The following SLC25A42 variants were observed in gnomAD, a reference collection of about 807,000 sequenced individuals.
SLC25A42 encodes solute carrier family 25 member 42, also known as mitochondrial coenzyme A transporter SLC25A42.
A neutral mutation model predicts 34.7 loss-of-function variants in SLC25A42; 19 were observed. That is an observed-to-expected ratio of 0.55 (90% CI 0.38 to 0.80). The LOEUF (loss-of-function observed/expected upper bound fraction) is 0.80, where lower values mean the gene tolerates loss of function less well. Among genes scored for constraint, SLC25A42 ranks in the 30% least tolerant of loss-of-function variants. The probability of loss-of-function intolerance (pLI) is 0.00; values close to 1 mark genes in which losing one functional copy is unlikely to be tolerated. For synonymous variants in SLC25A42, 205 were observed against 191.2 expected (o/e 1.07, Z -0.59); for missense variants, 364 against 441.3 (o/e 0.82, Z 1.57).
chr19:19,091,705 T>G (rs1192448349), intron 1 of SLC25A42, among the ~76,000 whole-genome samples: 1 of 152,034 alleles, frequency 6.6e-6, no homozygotes, highest in African/African-American at 2.4e-5. Context: ...AAGGAGACCC[T>G]GTCTCTACAG....
chr19:19,086,086 G>C (rs967181984), intron 1 of SLC25A42, among the ~76,000 whole-genome samples: 4 of 152,196 alleles, frequency 2.6e-5, no homozygotes, highest in African/African-American at 7.2e-5. Flanking sequence ...GACACCCAAC[G>C]TGTGTTTCCT....
intron 2 of SLC25A42, among the ~76,000 whole-genome samples, chr19:19,099,664 C>T (rs1403420695): frequency 1.3e-5 from 2 of 152,146 alleles, no homozygotes; most frequent in African/African-American, 4.8e-5. Context: ...ACATCCCTTC[C>T]CCATCTCCAG....
Position 19,110,887 on chromosome 19 carries a change from G to T in SLC25A42, c.*11G>T. The stretch of plus-strand genomic sequence containing the variant: ...CACCTGCAGAGCTAGGGGACCCTGA[G>T]CTGCTCTCAGGACGGTGGACCGGTG... On this transcript the variant is annotated 3_prime_UTR_variant, in exon 8 of 8. Coordinates refer to ENST00000318596, the MANE Select transcript of SLC25A42 (RefSeq NM_178526.5). 1 of 1,613,514 alleles carries T rather than the reference G, an allele frequency of 6.2e-7. No individual in the cohort carries two copies. The highest frequency in any genetic ancestry group is 8.5e-7 in the Non-Finnish European group (1 of 1,179,886).
chr19:19,091,983 G>A (rs984856440), intron 1 of SLC25A42, among the ~76,000 whole-genome samples: 23 of 152,196 alleles, frequency 1.5e-4, no homozygotes, highest in Admixed American at 1.2e-3. Flanking sequence ...GGAGGGTGGC[G>A]GGTGCTGGTG....
intron 5 of SLC25A42, 133 bp from the exon 6 acceptor site, chr19:19,106,136 A>AAACCCGCCTC (rs1262186555): frequency 1.3e-6 from 1 of 754,806 alleles, no homozygotes; most frequent in Admixed American, 2.4e-5. Flanking sequence ...GGAGGAAGCC[A>AAACCCGCCTC]AACCCGCCTC....
chr19:19,110,489 G>C, intron 7 of SLC25A42, 80 bp from the exon 8 acceptor site: 1 of 1,239,880 alleles, frequency 8.1e-7, no homozygotes, highest in Non-Finnish European at 1.0e-6. Context: ...TGCTCCTAGG[G>C]GTGCAAAGGC....
chr19:19,078,607 CAGAG>C (rs1400847234), intron 1 of SLC25A42, among the ~76,000 whole-genome samples: 4 of 152,216 alleles, frequency 2.6e-5, no homozygotes, highest in African/African-American at 9.7e-5. Context: ...AGCAAGCACA[CAGAG>C]GGAGTGACAT....
intron 3 of SLC25A42, among the ~76,000 whole-genome samples, chr19:19,102,776 A>G (rs890223409): frequency 2.6e-5 from 4 of 151,864 alleles, no homozygotes; most frequent in African/African-American, 9.7e-5. Flanking sequence ...ATAAATAAAT[A>G]AATAATAAAA....
chr19:19,079,953 C>T (rs1197222609), intron 1 of SLC25A42, among the ~76,000 whole-genome samples: 3 of 152,194 alleles, frequency 2.0e-5, no homozygotes, highest in Non-Finnish European at 4.4e-5. Flanking sequence ...CCCTGTGTAA[C>T]TTGTGAAGGA....
intron 1 of SLC25A42, among the ~76,000 whole-genome samples, chr19:19,082,352 G>A (rs753640522): frequency 3.9e-5 from 6 of 152,088 alleles, no homozygotes; most frequent in Non-Finnish European, 8.8e-5. Context: ...GTTCTCCTGC[G>A]TCTATCTTTG....
intron 1 of SLC25A42, among the ~76,000 whole-genome samples, chr19:19,078,874 G>C (rs1376963209): frequency 6.6e-6 from 1 of 151,510 alleles, no homozygotes; most frequent in Non-Finnish European, 1.5e-5. Flanking sequence ...TTTTTGAGAT[G>C]TAGTCTTGCT....
At chr19:19,097,768 G>C (rs1181824422) in intron 2 of SLC25A42, among the ~76,000 whole-genome samples, 1 of 152,150 alleles carries the variant, frequency 6.6e-6, no homozygotes, top group Non-Finnish European at 1.5e-5. Context: ...TTCGAGACCA[G>C]CCTGGCCAAC....
intron 1 of SLC25A42, among the ~76,000 whole-genome samples, chr19:19,093,866 C>A (rs1012682670): frequency 2.0e-4 from 31 of 152,140 alleles, no homozygotes; most frequent in African/African-American, 7.0e-4. Flanking sequence ...TTAGTAGAGA[C>A]AGGATTTTGC....
chr19:19,106,561 T>C (rs1037998569), intron 6 of SLC25A42, 176 bp downstream of exon 6: 2 of 527,172 alleles, frequency 3.8e-6, no homozygotes, highest in East Asian at 6.6e-5. Context: ...CAATTTGTTC[T>C]CTTAGCCTGG....
chr19:19,105,506 C>T (rs2059821139), intron 4 of SLC25A42, 55 bp from the exon 5 acceptor site: 1 of 1,578,090 alleles, frequency 6.3e-7, no homozygotes, highest in East Asian at 2.3e-5. Context: ...TCACAGAGGC[C>T]CGCAGGGAGG....
intron 2 of SLC25A42, among the ~76,000 whole-genome samples, chr19:19,097,833 C>T (rs567473879): frequency 3.3e-5 from 5 of 152,188 alleles, no homozygotes; most frequent in South Asian, 2.1e-4. Flanking sequence ...CGTGGTGGCA[C>T]GCACCTGTAA....
chr19:19,106,539 C>G lies in SLC25A42; in HGVS notation c.497+154C>G, dbSNP rs1338497516. 2.3e-5 allele frequency: 13 copies of G among 563,426 alleles called. 1 individual carries two copies. In the Middle Eastern group the frequency reaches 1.2e-3, roughly 52 times the overall value. 34.9% of individuals were successfully genotyped at this position (563,426 alleles called of 1,614,324 possible). ...CCTGATGTGTCATTCTGCAGCTGTT[C>G]CAGAAAGGCAGCAATTTGTTCTCTT... On this transcript the variant is annotated intron_variant, in intron 6 of 7. Coordinates refer to ENST00000318596, the MANE Select transcript of SLC25A42 (RefSeq NM_178526.5).
chr19:19,087,817 AG>A (rs1320543339), intron 1 of SLC25A42, among the ~76,000 whole-genome samples: 1 of 152,212 alleles, frequency 6.6e-6, no homozygotes, highest in African/African-American at 2.4e-5. Context: ...CAGGGCAGGC[AG>A]GGGAGAGGGA....
intron 3 of SLC25A42, among the ~76,000 whole-genome samples, chr19:19,103,008 A>G (rs2059806543): frequency 6.6e-6 from 1 of 152,020 alleles, no homozygotes; most frequent in Admixed American, 6.6e-5. Context: ...TTGTGGCCGC[A>G]TGGCTCCAAT....
Sources: gnomAD v4.1 joint callset for allele counts (sites outside exome capture counted in the v4.1 genomes callset) on GRCh38, gnomAD v4.1.1 for gene constraint, MANE v1.5 for transcripts, NCBI Gene and HGNC (gene_info 2026-07-23, HGNC 2026-07-21) for gene names.